Variants in SLC16A7 observed in about 807,000 individuals in gnomAD.
SLC16A7 encodes solute carrier family 16 member 7.
A neutral mutation model predicts 34.9 loss-of-function variants in SLC16A7; 33 were observed. The observed-to-expected ratio is 0.94, with a 90% CI of 0.72 to 1.26. SLC16A7 has a LOEUF of 1.26. SLC16A7 is among the 50% of genes most tolerant of loss of function. The pLI is 0.00. For synonymous variants in SLC16A7, 201 were observed against 206.6 expected (o/e 0.97, Z 0.23); for missense variants, 573 against 578.1 (o/e 0.99, Z 0.09).
intron 3 of SLC16A7, among the ~76,000 whole-genome samples, chr12:59,759,842 A>G (rs1880813815): frequency 6.6e-6 from 1 of 152,084 alleles, no homozygotes; most frequent in Non-Finnish European, 1.5e-5. Context: ...CCTATAAACA[A>G]TCTTTTTTCT....
intron 2 of SLC16A7, among the ~76,000 whole-genome samples, chr12:59,673,126 T>C (rs1463888787): frequency 3.9e-5 from 6 of 152,334 alleles, no homozygotes; most frequent in Non-Finnish European, 7.4e-5. Context: ...AAGGTTCTTA[T>C]GAAATTTATA....
chr12:59,702,386 T>C (rs1872994346), intron 2 of SLC16A7, among the ~76,000 whole-genome samples: 1 of 152,040 alleles, frequency 6.6e-6, no homozygotes, highest in African/African-American at 2.4e-5. Flanking sequence ...AAAACGTTTA[T>C]GTTTCTAAGA....
At chr12:59,621,606 C>G (rs1244181989) in intron 1 of SLC16A7, among the ~76,000 whole-genome samples, 1 of 151,830 alleles carries the variant, frequency 6.6e-6, no homozygotes, top group Non-Finnish European at 1.5e-5. Flanking sequence ...ACTTCAGAGG[C>G]AAAACACTTA....
At chr12:59,763,667 AT>A (rs2137401643) in intron 3 of SLC16A7, among the ~76,000 whole-genome samples, 1 of 152,264 alleles carries the variant, frequency 6.6e-6, no homozygotes, top group African/African-American at 2.4e-5. Flanking sequence ...CAAATACTGC[AT>A]TAATTACAAA....
chr12:59,745,773 A>G (rs560938025), intron 3 of SLC16A7, among the ~76,000 whole-genome samples: 1 of 152,332 alleles, frequency 6.6e-6, no homozygotes, highest in South Asian at 2.1e-4. Flanking sequence ...AAAAAGGCAT[A>G]TTCGTCAGAA....
chr12:59,720,098 G>A (rs901422303), intron 3 of SLC16A7: 44 of 699,978 alleles, frequency 6.3e-5, no homozygotes, highest in Middle Eastern at 4.6e-4. Flanking sequence ...ATATGCAATA[G>A]CTGTATATTC....
intron 2 of SLC16A7, among the ~76,000 whole-genome samples, chr12:59,678,286 T>G (rs1315486906): frequency 1.3e-5 from 2 of 152,236 alleles, no homozygotes; most frequent in East Asian, 1.9e-4. Context: ...TGGGTCTGAG[T>G]TTTTGTCCTG....
chr12:59,613,139 G>T (rs1363439474), intron 1 of SLC16A7, among the ~76,000 whole-genome samples: 1 of 152,254 alleles, frequency 6.6e-6, no homozygotes, highest in Non-Finnish European at 1.5e-5. Context: ...CCACATGGCT[G>T]CGAGGCCGCA....
At chr12:59,738,024 A>T (rs1877800627) in intron 3 of SLC16A7, among the ~76,000 whole-genome samples, 1 of 152,180 alleles carries the variant, frequency 6.6e-6, no homozygotes, top group Non-Finnish European at 1.5e-5. Flanking sequence ...TGTTTATAAG[A>T]TTTATATTAA....
At chr12:59,720,447 T>C (rs1159322428) in intron 3 of SLC16A7, among the ~76,000 whole-genome samples, 1 of 152,112 alleles carries the variant, frequency 6.6e-6, no homozygotes, top group Non-Finnish European at 1.5e-5. Flanking sequence ...ATATATTTGA[T>C]GTCAGACCAA....
chr12:59,700,077 G>A (rs1338342195), intron 2 of SLC16A7, among the ~76,000 whole-genome samples: 2 of 151,872 alleles, frequency 1.3e-5, no homozygotes, highest in African/African-American at 4.8e-5. Flanking sequence ...GCTTCATCCA[G>A]ACATGAGTTA....
chr12:59,599,364 A>G (rs180822081), intron 1 of SLC16A7, among the ~76,000 whole-genome samples: 35 of 152,232 alleles, frequency 2.3e-4, no homozygotes. Context: ...CTTGTCTTGC[A>G]TCTAATCATC....
intron 1 of SLC16A7, among the ~76,000 whole-genome samples, chr12:59,630,380 T>C (rs1196418187): frequency 1.3e-5 from 2 of 151,872 alleles, no homozygotes; most frequent in Non-Finnish European, 2.9e-5. Context: ...GATCATGCTT[T>C]AGAAGCACTG....
At chr12:59,607,886 C>T (rs1592384290) in intron 1 of SLC16A7, among the ~76,000 whole-genome samples, 1 of 152,096 alleles carries the variant, frequency 6.6e-6, no homozygotes, top group South Asian at 2.1e-4. Flanking sequence ...TAAGTAGATC[C>T]TCTTTATCCA....
chr12:59,673,987 A>T (rs1247626325), intron 2 of SLC16A7, among the ~76,000 whole-genome samples: 1 of 152,130 alleles, frequency 6.6e-6, no homozygotes, highest in Admixed American at 6.5e-5. Flanking sequence ...AGTCTGATTT[A>T]GTTATACTGC....
intron 2 of SLC16A7, among the ~76,000 whole-genome samples, chr12:59,685,821 A>T (rs17122858): frequency 0.017 from 2,624 of 152,242 alleles, 79 homozygotes; most frequent in African/African-American, 0.06. Flanking sequence ...TACCAGTTTT[A>T]TAGGAACATA....
chr12:59,776,570 T>A (rs1243615708), intron 5 of SLC16A7, among the ~76,000 whole-genome samples: 1 of 152,206 alleles, frequency 6.6e-6, no homozygotes, highest in African/African-American at 2.4e-5. Flanking sequence ...AATTTTTCCA[T>A]TATTTAGTCA....
chr12:59,771,218 G>C lies in SLC16A7; in HGVS notation c.218-1G>C. The C allele has an allele frequency of 6.2e-7, 1 of 1,610,978 alleles. No homozygotes were observed. The highest frequency in any genetic ancestry group is 1.3e-5 in the African/African-American group (1 of 74,820). On this transcript the variant is annotated splice_acceptor_variant, in intron 3 of 5. Coordinates refer to ENST00000547379, the MANE Select transcript of SLC16A7 (RefSeq NM_001270623.2). LOFTEE classifies it high-confidence loss of function. ...ATTTCTTTATCTCCTCTCTGCTGTAGGTCCTGTAAGTAGTGTTTTGGTGAA... is the reference window on the plus strand; with the variant it reads ...ATTTCTTTATCTCCTCTCTGCTGTACGTCCTGTAAGTAGTGTTTTGGTGAA...
intron 3 of SLC16A7, among the ~76,000 whole-genome samples, chr12:59,721,464 C>T (rs1208937003): frequency 3.9e-5 from 6 of 151,948 alleles, no homozygotes; most frequent in Non-Finnish European, 8.8e-5. Flanking sequence ...TAGCAATATT[C>T]CCTCTCACAA....
Sources: allele counts gnomAD v4.1 joint callset (sites outside exome capture counted in the v4.1 genomes callset), GRCh38; gene constraint gnomAD v4.1.1; transcripts MANE v1.5; gene names NCBI Gene and HGNC (gene_info 2026-07-23, HGNC 2026-07-21).